The following L3MBTL4 variants were observed in gnomAD, a reference collection of about 807,000 sequenced individuals.
L3MBTL4 encodes the protein L3MBTL histone methyl-lysine binding protein 4, also known as lethal(3)malignant brain tumor-like protein 4.
Under a neutral mutation model 84.5 loss-of-function variants are expected in L3MBTL4, and 70 were observed. The observed-to-expected ratio is 0.83, with a 90% confidence interval of 0.68 to 1.01. The LOEUF (loss-of-function observed/expected upper bound fraction) is 1.01. L3MBTL4 is among the 50% of genes least tolerant of loss of function. The pLI is 0.00. For synonymous variants in L3MBTL4, 274 were observed against 259.8 expected, an observed-to-expected ratio of 1.05 and a Z score of -0.52; for missense variants, 715 against 754.8, an observed-to-expected ratio of 0.95 and a Z score of 0.62.
chr18:6,096,282 G>T (rs2058642005), intron 14 of L3MBTL4, among the ~76,000 whole-genome samples: 1 of 152,100 alleles, frequency 6.6e-6, no homozygotes, highest in Non-Finnish European at 1.5e-5. Context: ...AGTCTCTCTG[G>T]TCATTCAATC....
chr18:6,358,465 A>T (rs2053540897), intron 1 of L3MBTL4, among the ~76,000 whole-genome samples: 1 of 152,268 alleles, frequency 6.6e-6, no homozygotes, highest in East Asian at 1.9e-4. Flanking sequence ...CACATGATCA[A>T]TGTTGCTCCA....
At chr18:6,158,909 T>C (rs1477269987) in intron 13 of L3MBTL4, among the ~76,000 whole-genome samples, 1 of 152,104 alleles carries the variant, frequency 6.6e-6, no homozygotes, top group Non-Finnish European at 1.5e-5. Context: ...ACAGAGTGGC[T>C]TGGGGATTAG....
intron 1 of L3MBTL4, among the ~76,000 whole-genome samples, chr18:6,392,711 C>T (rs1011153879): frequency 6.6e-5 from 10 of 152,174 alleles, no homozygotes; most frequent in Non-Finnish European, 7.4e-5. Context: ...AAAAACTCTT[C>T]CAAACATCAG....
rs71370547 is a variant in L3MBTL4, at chr18:6,196,157, C to CTTTTTTTTTTT, written c.981+16981_981+16991dup. Among the ~76,000 whole-genome samples the CTTTTTTTTTTT allele has an allele frequency of 1.2e-3, 158 of 130,176 alleles. 10 individuals are homozygous for CTTTTTTTTTTT. The highest frequency in any genetic ancestry group is 4.9e-3 in the African/African-American group (149 of 30,516). The allele number at this position is 130,176 out of a possible 152,430, so 85.4% of individuals were successfully genotyped here. ...TCATTTGTGCCTATCTAGAGTTCCT[C>CTTTTTTTTTTT]TTTTTTTTTTTTTTTTTTGAGACTG... On this transcript the variant is annotated intron_variant, in intron 12 of 18. Coordinates refer to ENST00000317931, the MANE Select transcript of L3MBTL4 (RefSeq NM_001330559.2).
At chr18:6,333,943 T>C (rs1156486715) in intron 1 of L3MBTL4, among the ~76,000 whole-genome samples, 3 of 152,236 alleles carry the variant, frequency 2.0e-5, no homozygotes, top group Non-Finnish European at 2.9e-5. Context: ...GCCAGAAATA[T>C]AGAACACATC....
rs745943777 is a variant in L3MBTL4, at chr18:6,241,438, C to A, written c.472G>T (p.Asp158Tyr). Reference protein sequence around the residue: ...ELHIPKGYRKDKFVWMDYLKA... With the variant: ...ELHIPKGYRKYKFVWMDYLKA... ...AAGTAATCCATCCAAACAAATTTAT[C>A]TTTTCTATAACCTAAAAAAAGCACA... Residue 158 changes from aspartate to tyrosine, a missense_variant, in exon 8 of 19, where the codon GAT becomes TAT. Physicochemically the swap from Asp to Tyr is radical, Grantham distance 160. Transcript: ENST00000317931. 1 of 1,582,692 alleles carries A rather than the reference C, an allele frequency of 6.3e-7. No individual in the cohort carries two copies. The highest frequency in any genetic ancestry group is 1.1e-5 in the South Asian group (1 of 87,576).
chr18:6,152,760 CTTTG>C (rs1405407362), intron 13 of L3MBTL4, among the ~76,000 whole-genome samples: 1 of 152,024 alleles, frequency 6.6e-6, no homozygotes, highest in African/African-American at 2.4e-5. Flanking sequence ...TTGATGTAGT[CTTTG>C]TTTATTTTTG....
rs188369782 is a variant in L3MBTL4, at chr18:6,065,340, G to C, written c.1444+15541C>G. The stretch of plus-strand genomic sequence containing the variant: ...TTTTGTTATGTCCTTTCCTGGTTTC[G>C]GTATTAGGGTGATACTGGCTTCATA... On this transcript the variant is annotated intron_variant, in intron 16 of 18. Transcript: ENST00000317931. Among the ~76,000 whole-genome samples the C allele has an allele frequency of 2.6e-5, 4 of 151,812 alleles. No individual in the cohort carries two copies. The South Asian group carries it at 8.3e-4, about 31-fold the overall frequency.
intron 1 of L3MBTL4, among the ~76,000 whole-genome samples, chr18:6,378,212 A>T (rs2054452103): frequency 6.6e-6 from 1 of 152,136 alleles, no homozygotes; most frequent in Admixed American, 6.5e-5. Flanking sequence ...TAGATTCTGG[A>T]TATTAGCCCT....
intron 1 of L3MBTL4, among the ~76,000 whole-genome samples, chr18:6,362,373 A>C (rs2053746093): frequency 6.6e-6 from 1 of 152,122 alleles, no homozygotes; most frequent in African/African-American, 2.4e-5. Flanking sequence ...ACATGAAGAG[A>C]CCAGCACTAG....
chr18:6,026,964 C>G (rs959624165), intron 16 of L3MBTL4, among the ~76,000 whole-genome samples: 6 of 152,140 alleles, frequency 3.9e-5, no homozygotes, highest in African/African-American at 1.2e-4. Context: ...ATTCTTGCAA[C>G]CAGGAATCTT....
At chr18:5,972,123 C>T (rs1326257268) in intron 16 of L3MBTL4, among the ~76,000 whole-genome samples, 1 of 152,142 alleles carries the variant, frequency 6.6e-6, no homozygotes, top group East Asian at 1.9e-4. Flanking sequence ...CTGTGGATCC[C>T]CTACCTGGGG....
intron 1 of L3MBTL4, among the ~76,000 whole-genome samples, chr18:6,402,668 G>A (rs931806166): frequency 6.6e-6 from 1 of 152,038 alleles, no homozygotes; most frequent in Non-Finnish European, 1.5e-5. Flanking sequence ...AATTGACTGT[G>A]ACTAATTTAG....
At chr18:6,398,371 T>A (rs1171898476) in intron 1 of L3MBTL4, among the ~76,000 whole-genome samples, 1 of 152,054 alleles carries the variant, frequency 6.6e-6, no homozygotes, top group Non-Finnish European at 1.5e-5. Flanking sequence ...GACAGCACCC[T>A]CATCTGCAGG....
intron 17 of L3MBTL4, among the ~76,000 whole-genome samples, chr18:5,962,964 C>A (rs1290812712): frequency 6.6e-6 from 1 of 152,172 alleles, no homozygotes; most frequent in Non-Finnish European, 1.5e-5. Context: ...TTGTAACAAC[C>A]AAAAATATGC....
chr18:6,009,687 T>A (rs1598424891), intron 16 of L3MBTL4, among the ~76,000 whole-genome samples: 1 of 152,316 alleles, frequency 6.6e-6, no homozygotes, highest in East Asian at 1.9e-4. Flanking sequence ...TATTGTACTG[T>A]ATAGTTTTTT....
chr18:6,093,372 C>A lies in L3MBTL4; in HGVS notation c.1356G>T (p.Lys452Asn), dbSNP rs771755438. The part of the protein sequence containing the change: ...CSLNFNGKHE[K>N]VNSQPRLVQQ... ...TTTCTTACCTGGGCTGACTGTTCAC[C>A]TTTTCATGTTTTCCATTGAAGTTCA... Residue 452 changes from lysine (K) to asparagine (N), a missense_variant, in exon 15 of 19, where the codon AAG becomes AAT. Physicochemically the swap from Lys to Asn is moderately conservative, Grantham distance 94 (BLOSUM62 0). Transcript: ENST00000317931. 1.3e-5 allele frequency: 21 copies of A among 1,609,704 alleles called. No individual in the cohort carries two copies. The African/African-American group carries it at 2.4e-4, about 18-fold the overall frequency.
intron 12 of L3MBTL4, among the ~76,000 whole-genome samples, chr18:6,201,386 GAA>G (rs1351804257): frequency 2.0e-5 from 3 of 152,188 alleles, no homozygotes; most frequent in African/African-American, 7.2e-5. Flanking sequence ...AAGATCATGA[GAA>G]GAGAATGAGG....
rs1398812719 is a variant in L3MBTL4, at chr18:6,122,633, C to T, written c.1199+15561G>A. On this transcript the variant is annotated intron_variant, in intron 14 of 18. Transcript: ENST00000317931. The stretch of plus-strand genomic sequence containing the variant: ...GAACTGTAAGTCAAATTAAACCCTC[C>T]TTCTTTTGTAAATTGCGCAGTCTTG... 2.0e-5 allele frequency among the ~76,000 whole-genome samples: 3 copies of T among 152,158 alleles called. No homozygotes were observed. In the East Asian group the frequency reaches 5.8e-4, roughly 29 times the overall value.
Sources: gnomAD v4.1 joint callset for allele counts (sites outside exome capture counted in the v4.1 genomes callset) on GRCh38, gnomAD v4.1.1 for gene constraint, MANE v1.5 for transcripts, NCBI Gene and HGNC (gene_info 2026-07-23, HGNC 2026-07-21) for gene names.